Variants in MOB3B observed in about 807,000 individuals in gnomAD.
The protein encoded by MOB3B is MOB kinase activator 3B.
A neutral mutation model predicts 18.7 loss-of-function variants in MOB3B; 7 were observed. The ratio of observed to expected loss-of-function variants is 0.37; its 90% CI spans 0.21 to 0.70. The LOEUF (loss-of-function observed/expected upper bound fraction) is 0.70, where lower values mean the gene tolerates loss of function less well. Among genes scored for constraint, MOB3B ranks in the 30% least tolerant of loss-of-function variants. The pLI is 0.52. For synonymous variants in MOB3B, 111 were observed against 99.9 expected (o/e 1.11, Z -0.66); for missense variants, 253 against 281.3 (o/e 0.90, Z 0.72).
At chr9:27,488,607 C>T (rs893491209) in intron 1 of MOB3B, among the ~76,000 whole-genome samples, 1 of 152,076 alleles carries the variant, frequency 6.6e-6, no homozygotes, top group African/African-American at 2.4e-5. Flanking sequence ...AGGGTTTCAC[C>T]ACATTGGCCA....
At chr9:27,412,681 A>G (rs1330860197) in intron 2 of MOB3B, among the ~76,000 whole-genome samples, 2 of 152,260 alleles carry the variant, frequency 1.3e-5, no homozygotes, top group South Asian at 2.1e-4. Context: ...AGTTAGGAAG[A>G]GAAAGAAGAC....
intron 3 of MOB3B, among the ~76,000 whole-genome samples, chr9:27,337,540 T>G (rs934216219): frequency 7.2e-5 from 11 of 152,216 alleles, no homozygotes; most frequent in African/African-American, 2.7e-4. Context: ...CACCAACATT[T>G]TGCTATTTCC....
At chr9:27,377,122 T>C (rs914747350) in intron 2 of MOB3B, among the ~76,000 whole-genome samples, 2 of 152,218 alleles carry the variant, frequency 1.3e-5, no homozygotes, top group East Asian at 1.9e-4. Context: ...AAATAATGAA[T>C]GGTATTTTCC....
At chr9:27,462,434 T>G (rs1366438578) in intron 1 of MOB3B, among the ~76,000 whole-genome samples, 2 of 152,174 alleles carry the variant, frequency 1.3e-5, no homozygotes, top group Non-Finnish European at 2.9e-5. Context: ...AATAAAAAAT[T>G]AAGGCAGGTA....
chr9:27,349,375 T>C (rs73643197), intron 3 of MOB3B, among the ~76,000 whole-genome samples: 4,258 of 152,268 alleles, frequency 0.028, 201 homozygotes, highest in African/African-American at 0.096. Flanking sequence ...GAAAATATAA[T>C]GTTATGTTTC....
At chr9:27,506,832 ATTTT>A (rs71492749) in intron 1 of MOB3B, among the ~76,000 whole-genome samples, 15 of 120,506 alleles carry the variant, frequency 1.2e-4, no homozygotes, top group African/African-American at 4.3e-4. Context: ...ACCCCGGCTA[ATTTT>A]TTTTTTTTTT....
At chr9:27,470,734 T>C (rs1185805675) in intron 1 of MOB3B, among the ~76,000 whole-genome samples, 2 of 152,160 alleles carry the variant, frequency 1.3e-5, no homozygotes, top group African/African-American at 2.4e-5. Context: ...AGGTTCAGCC[T>C]ACCCCTTCCC....
At chr9:27,529,500 C>G (rs949712107) in intron 1 of MOB3B, 55 bp downstream of exon 1, 182 of 965,812 alleles carry the variant, frequency 1.9e-4, no homozygotes, top group Admixed American at 2.5e-4. Context: ...AGATCGGGAG[C>G]GAGCAGCCAC....
In MOB3B at chr9:27,359,136, G is replaced by T. The variant is rs755300883; in HGVS notation, c.519C>A (p.Val173=). 3 of 1,614,144 alleles carry T rather than the reference G, an allele frequency of 1.9e-6. No individual in the cohort carries two copies. The highest frequency in any genetic ancestry group is 3.3e-5 in the Admixed American group (2 of 60,010). ...CATGGGCCTCTGCACCCATCACAAT[G>T]ACCCGGTCGAAGTGGTGGATATAGA... The part of the protein sequence containing the change: ...VHVYIHHFDR[V]IVMGAEAHVN... The change falls in exon 3 of 4, where the codon GTC becomes GTA. Residue 173 remains valine, a synonymous_variant. Transcript: ENST00000262244.
At chr9:27,343,438 C>A (rs1204146763) in intron 3 of MOB3B, among the ~76,000 whole-genome samples, 2 of 144,934 alleles carry the variant, frequency 1.4e-5, no homozygotes, top group African/African-American at 2.7e-5. Context: ...CCTGCCAAAT[C>A]CCCCTCTCCG....
rs188072861 is a variant in MOB3B, at chr9:27,342,957, C to G, written c.622-12341G>C. Among the ~76,000 whole-genome samples the G allele has an allele frequency of 6.0e-5, 9 of 150,730 alleles. No individual in the cohort carries two copies. The South Asian group carries it at 1.9e-3, about 31-fold the overall frequency. On this transcript the variant is annotated intron_variant, in intron 3 of 3. Transcript: ENST00000262244. Reference sequence around the variant, plus strand: ...CTGGGAAGTGAGGAGCCCCTCTGCCCGGCCGCCACCCCGTCTGGGAGGTAT... The same window carrying G: ...CTGGGAAGTGAGGAGCCCCTCTGCCGGGCCGCCACCCCGTCTGGGAGGTAT...
intron 3 of MOB3B, among the ~76,000 whole-genome samples, chr9:27,353,960 C>T (rs536899513): frequency 2.0e-5 from 3 of 152,254 alleles, no homozygotes; most frequent in Non-Finnish European, 4.4e-5. Context: ...AAGGAACTTG[C>T]TTCAGTTCAA....
At chr9:27,461,190 C>T (rs1003927363) in intron 1 of MOB3B, among the ~76,000 whole-genome samples, 3 of 152,162 alleles carry the variant, frequency 2.0e-5, no homozygotes, top group African/African-American at 7.2e-5. Context: ...CTCCCACTTC[C>T]CAAATATTGA....
chr9:27,408,155 A>C (rs892485613), intron 2 of MOB3B, among the ~76,000 whole-genome samples: 1 of 152,238 alleles, frequency 6.6e-6, no homozygotes, highest in Non-Finnish European at 1.5e-5. Context: ...TGATGAGCAG[A>C]GTAAAATCTG....
chr9:27,350,192 A>G (rs1237188226), intron 3 of MOB3B, among the ~76,000 whole-genome samples: 2 of 150,762 alleles, frequency 1.3e-5, no homozygotes, highest in South Asian at 4.2e-4. Context: ...AAAGTGACAC[A>G]TGTTTGTGAC....
chr9:27,348,378 C>G (rs767480815), intron 3 of MOB3B, among the ~76,000 whole-genome samples: 1 of 151,968 alleles, frequency 6.6e-6, no homozygotes, highest in Non-Finnish European at 1.5e-5. Flanking sequence ...TATGGCCAGG[C>G]CTGGTGGCTC....
chr9:27,331,568 C>T (rs757855589), intron 3 of MOB3B, among the ~76,000 whole-genome samples: 44 of 152,214 alleles, frequency 2.9e-4, no homozygotes, highest in Non-Finnish European at 5.0e-4. Flanking sequence ...ATTGAATCGC[C>T]CCATGTGCTT....
intron 2 of MOB3B, among the ~76,000 whole-genome samples, chr9:27,454,239 G>A (rs926755908): frequency 1.1e-4 from 17 of 152,142 alleles, no homozygotes; most frequent in East Asian, 3.8e-4. Context: ...TTTCAAATAC[G>A]TTTTTTGTAC....
At chr9:27,344,277 T>C (rs1433855313) in intron 3 of MOB3B, among the ~76,000 whole-genome samples, 1 of 152,214 alleles carries the variant, frequency 6.6e-6, no homozygotes, top group African/African-American at 2.4e-5. Context: ...ATGTGGGTGC[T>C]TGTGTGTGTA....
Sources: allele counts gnomAD v4.1 joint callset (sites outside exome capture counted in the v4.1 genomes callset), GRCh38; gene constraint gnomAD v4.1.1; transcripts MANE v1.5; gene names NCBI Gene and HGNC (gene_info 2026-07-23, HGNC 2026-07-21).